ADAP1: variants seen among roughly 807,000 people sequenced by gnomAD.
ADAP1 encodes the protein arf-GAP with dual PH domain-containing protein 1.
Under a neutral mutation model 54.9 loss-of-function variants are expected in ADAP1, and 31 were observed. The ratio of observed to expected loss-of-function variants is 0.56; its 90% confidence interval spans 0.42 to 0.76. ADAP1 has a LOEUF of 0.76. Among genes scored for constraint, ADAP1 ranks in the 30% least tolerant of loss-of-function variants. The pLI, the probability that ADAP1 is intolerant of heterozygous loss-of-function variation, is 0.00. For synonymous variants in ADAP1, 313 were observed against 202.6 expected, an observed-to-expected ratio of 1.55 and a Z score of -4.63; for missense variants, 535 against 512.4, an observed-to-expected ratio of 1.04 and a Z score of -0.42.
intron 4 of ADAP1, among the ~76,000 whole-genome samples, chr7:913,573 C>T (rs1232444578): frequency 6.6e-6 from 1 of 152,260 alleles, no homozygotes. Context: ...CCTTGCTCCC[C>T]TGTTATAATC....
intron 4 of ADAP1, among the ~76,000 whole-genome samples, chr7:916,302 C>T (rs572825260): frequency 2.0e-5 from 3 of 152,210 alleles, no homozygotes; most frequent in Non-Finnish European, 2.9e-5. Flanking sequence ...GTCCCAACGA[C>T]ACCAGCTAAA....
rs564197109 is a variant in ADAP1, at chr7:935,601, T to TG, written c.83-97dup. 4,779 of 1,421,010 alleles carry TG rather than the reference T, an allele frequency of 3.4e-3. 20 individuals carry two copies. Among genetic ancestry groups the TG allele is most frequent in the African/African-American group, 0.02 (1,357 of 69,342 alleles). 88.0% of individuals were successfully genotyped at this position (1,421,010 alleles called of 1,614,324 possible). ...GAGTCAGGAGCCCCCGGCCATGCAG[T>TG]GGGGGGGGCTTCAGCGGAGACCCCC... On this transcript the variant is annotated intron_variant, in intron 1 of 10. Coordinates refer to ENST00000265846, the MANE Select transcript of ADAP1 (RefSeq NM_006869.4).
At chr7:931,712 G>C (rs1846584432) in intron 2 of ADAP1, among the ~76,000 whole-genome samples, 1 of 149,678 alleles carries the variant, frequency 6.7e-6, no homozygotes, top group African/African-American at 2.5e-5. Context: ...GTATGGCTGT[G>C]AACGGCATCT....
intron 8 of ADAP1, 34 bp from the exon 9 acceptor site, chr7:899,524 C>T (rs560339353): frequency 4.4e-5 from 71 of 1,602,218 alleles, no homozygotes; most frequent in South Asian, 2.7e-4. Context: ...ACCGGCAGGT[C>T]GCCGAGGCAG....
chr7:954,322 C>T (rs1452968917), intron 1 of ADAP1, 74 bp downstream of exon 1: 1 of 995,658 alleles, frequency 1.0e-6, no homozygotes, highest in Non-Finnish European at 1.2e-6. Context: ...CCCCGGGGCC[C>T]ACCCAGGACC....
chr7:920,775 G>T lies in ADAP1; in HGVS notation c.306-725C>A. The T allele has an allele frequency of 6.5e-7, 1 of 1,548,718 alleles. No homozygotes were observed. The highest frequency in any genetic ancestry group is 8.7e-7 in the Non-Finnish European group (1 of 1,146,066). ...ACCCACCACGGCCTCCCCATCCACCGTGACTCACTCGAGTGAAGCCAATAC... is the reference window on the plus strand; with the variant it reads ...ACCCACCACGGCCTCCCCATCCACCTTGACTCACTCGAGTGAAGCCAATAC... On this transcript the variant is annotated intron_variant, in intron 3 of 10. Coordinates refer to ENST00000265846, the MANE Select transcript of ADAP1 (RefSeq NM_006869.4). The surrounding 1 kb of genome is among the most constrained non-coding windows in gnomAD (Gnocchi z 4.5).
intron 1 of ADAP1, among the ~76,000 whole-genome samples, chr7:943,647 G>A (rs1346516131): frequency 3.6e-5 from 1 of 27,544 alleles, no homozygotes; most frequent in Non-Finnish European, 6.7e-5. Context: ...AGGAGGAAGG[G>A]AGTGAGGAGG....
chr7:925,360 TTA>T (rs1491420744), intron 3 of ADAP1, among the ~76,000 whole-genome samples: 7 of 73,508 alleles, frequency 9.5e-5, no homozygotes, highest in East Asian at 6.7e-4. Flanking sequence ...GTCTCTATAT[TTA>T]AAAAAAAAAA....
rs374615317 is a variant in ADAP1, at chr7:905,034, C to G, written c.501+26G>C. ...CGGGATGCCGCCCTGGGACAGGCCCCCACCCCACCCCCGTCTGTGACTCAC... is the reference window on the plus strand; with the variant it reads ...CGGGATGCCGCCCTGGGACAGGCCCGCACCCCACCCCCGTCTGTGACTCAC... On this transcript the variant is annotated intron_variant, in intron 5 of 10. Transcript: ENST00000265846. The G allele has an allele frequency of 9.9e-5, 158 of 1,591,854 alleles. No homozygotes were observed. In the East Asian group the frequency reaches 2.3e-3, roughly 23 times the overall value.
chr7:929,052 A>G (rs1177502656), intron 2 of ADAP1, among the ~76,000 whole-genome samples: 1 of 152,044 alleles, frequency 6.6e-6, no homozygotes, highest in Non-Finnish European at 1.5e-5. Flanking sequence ...CCAGCACTTC[A>G]GGAGGCAGAG....
At chr7:916,108 C>T (rs1428624402) in intron 4 of ADAP1, among the ~76,000 whole-genome samples, 1 of 152,224 alleles carries the variant, frequency 6.6e-6, no homozygotes, top group African/African-American at 2.4e-5. Context: ...CACATCCCGG[C>T]CCGACCAGTC....
intron 3 of ADAP1, among the ~76,000 whole-genome samples, chr7:922,206 G>A (rs964539759): frequency 2.6e-5 from 4 of 152,174 alleles, no homozygotes; most frequent in East Asian, 1.9e-4. Flanking sequence ...CAGCCGGGAC[G>A]GAGAGCCACC....
intron 1 of ADAP1, among the ~76,000 whole-genome samples, chr7:942,555 T>G (rs866207801): frequency 1.2e-3 from 43 of 34,924 alleles, no homozygotes; most frequent in Admixed American, 3.9e-3. Context: ...GAAGAGAGAG[T>G]AGGAGGAAGA....
intron 1 of ADAP1, among the ~76,000 whole-genome samples, chr7:935,866 G>A (rs1203296299): frequency 6.6e-6 from 1 of 152,206 alleles, no homozygotes; most frequent in Non-Finnish European, 1.5e-5. Context: ...TGCTTTCCTC[G>A]TGTCCGCTGC....
rs58357889 is a variant in ADAP1, at chr7:910,335, G to C, written c.389-5163C>G. Among the ~76,000 whole-genome samples, 1,294 of 151,410 alleles carry C rather than the reference G, an allele frequency of 8.5e-3. 22 individuals carry two copies. Among genetic ancestry groups the C allele is most frequent in the African/African-American group, 0.029 (1,204 of 41,208 alleles). On this transcript the variant is annotated intron_variant, in intron 4 of 10. Transcript: ENST00000265846. Reference sequence around the variant, plus strand: ...CACTATCACAGCTCACTGCAGCCTTGACCTTCCGGGCTCAAGTGATCCTCC... The same window carrying C: ...CACTATCACAGCTCACTGCAGCCTTCACCTTCCGGGCTCAAGTGATCCTCC...
chr7:924,730 C>T (rs1251339316), intron 3 of ADAP1, among the ~76,000 whole-genome samples: 1 of 151,676 alleles, frequency 6.6e-6, no homozygotes, highest in Admixed American at 6.6e-5. Context: ...TCCACGAGCA[C>T]CCCCAGCCCC....
At chr7:906,648 G>GGAGAAAGGGGGC (rs1845402239) in intron 4 of ADAP1, among the ~76,000 whole-genome samples, 1 of 120,584 alleles carries the variant, frequency 8.3e-6, no homozygotes, top group Admixed American at 8.1e-5. Context: ...GAAAGGGAAA[G>GGAGAAAGGGGGC]GAGAAAGGGG....
chr7:913,102 C>T lies in ADAP1; in HGVS notation c.388+6866G>A, dbSNP rs548426286. 1.6e-4 allele frequency among the ~76,000 whole-genome samples: 24 copies of T among 152,340 alleles called. No homozygotes were observed. In the East Asian group the frequency reaches 4.4e-3, roughly 28 times the overall value. On this transcript the variant is annotated intron_variant, in intron 4 of 10. Coordinates refer to ENST00000265846, the MANE Select transcript of ADAP1 (RefSeq NM_006869.4). The stretch of plus-strand genomic sequence containing the variant: ...CAAGCAACCCTCCCACCTCGGCCTC[C>T]CAGAGTGCTGCAATGACAGGCATGA...
chr7:922,790 G>C (rs921563551), intron 3 of ADAP1, among the ~76,000 whole-genome samples: 3 of 151,740 alleles, frequency 2.0e-5, no homozygotes, highest in Non-Finnish European at 4.4e-5. Flanking sequence ...AAATAGCCCG[G>C]GTGGTGTTCA....
Sources: gnomAD v4.1 joint callset for allele counts (sites outside exome capture counted in the v4.1 genomes callset) on GRCh38, gnomAD v4.1.1 for gene constraint, Gnocchi (gnomAD v3.1) non-coding constraint, MANE v1.5 for transcripts, NCBI Gene and HGNC (gene_info 2026-07-23, HGNC 2026-07-21) for gene names.